The following GABRG3 variants were observed in gnomAD, a reference collection of about 807,000 sequenced individuals.
The protein encoded by GABRG3 is gamma-aminobutyric acid receptor subunit gamma-3.
In GABRG3, 25 loss-of-function variants were observed where a neutral mutation model predicts 48.8. That is an observed-to-expected ratio of 0.51 (90% confidence interval 0.37 to 0.72). GABRG3 has a LOEUF of 0.72. Ranked by LOEUF, GABRG3 falls within the 30% of genes least tolerant of loss-of-function variation. GABRG3 has a pLI of 0.00. For synonymous variants in GABRG3, 227 were observed against 217.6 expected (o/e 1.04, Z -0.38); for missense variants, 394 against 577.9 (o/e 0.68, Z 3.26).
At chr15:27,372,812 CTGGTGCCTCT>C (rs1276933861) in intron 5 of GABRG3, among the ~76,000 whole-genome samples, 1 of 152,210 alleles carries the variant, frequency 6.6e-6, no homozygotes, top group Non-Finnish European at 1.5e-5. Flanking sequence ...CACTTCCCTC[CTGGTGCCTCT>C]GTCTCTCTCC....
chr15:27,028,495 G>C (rs1896023067), intron 3 of GABRG3, among the ~76,000 whole-genome samples: 1 of 152,076 alleles, frequency 6.6e-6, no homozygotes, highest in Admixed American at 6.6e-5. Context: ...ATCTGAGCAG[G>C]TCATATTTCA....
intron 5 of GABRG3, among the ~76,000 whole-genome samples, chr15:27,379,956 A>C (rs749480402): frequency 6.7e-6 from 1 of 149,898 alleles, no homozygotes; most frequent in Non-Finnish European, 1.5e-5. Context: ...CAGTTATTAT[A>C]GTTTTAAATA....
chr15:27,504,267 G>A (rs548605310), intron 6 of GABRG3, among the ~76,000 whole-genome samples: 36 of 150,786 alleles, frequency 2.4e-4, no homozygotes, highest in Non-Finnish European at 3.3e-4. Context: ...TCTACTTCTC[G>A]TCTATTTTTT....
At chr15:26,989,045 A>T (rs189300233) in intron 2 of GABRG3, among the ~76,000 whole-genome samples, 6 of 152,254 alleles carry the variant, frequency 3.9e-5, no homozygotes, top group African/African-American at 1.2e-4. Context: ...GGAGAAAGCT[A>T]CTCACTCAGG....
intron 3 of GABRG3, among the ~76,000 whole-genome samples, chr15:27,316,244 C>T (rs953831396): frequency 5.3e-5 from 8 of 151,858 alleles, no homozygotes; most frequent in Non-Finnish European, 1.0e-4. Flanking sequence ...AAAAATTAGC[C>T]GGGCCTAGTG....
chr15:27,145,664 T>TCTATCTATCG (rs61419936), intron 3 of GABRG3, among the ~76,000 whole-genome samples: 1 of 134,360 alleles, frequency 7.4e-6, no homozygotes, highest in African/African-American at 3.2e-5. Flanking sequence ...TATCTATCTA[T>TCTATCTATCG]TGTGCCAGAA....
intron 3 of GABRG3, among the ~76,000 whole-genome samples, chr15:27,308,970 A>G (rs941704268): frequency 2.7e-5 from 4 of 150,696 alleles, no homozygotes; most frequent in African/African-American, 9.7e-5. Context: ...AAAACACATA[A>G]TGTAAACATG....
chr15:27,258,649 A>G (rs1284154020), intron 3 of GABRG3, among the ~76,000 whole-genome samples: 1 of 152,218 alleles, frequency 6.6e-6, no homozygotes, highest in Non-Finnish European at 1.5e-5. Context: ...TTTACAGGAT[A>G]CAGAGTGATA....
Position 27,319,462 on chromosome 15 carries a change from A to G in GABRG3, c.271-7347A>G, listed in dbSNP as rs1893345026. Among the ~76,000 whole-genome samples, 1 of 152,232 alleles carries G rather than the reference A, an allele frequency of 6.6e-6. No homozygotes were observed. ...CTGCTGACCAGCACTGTGGTGGGGC[A>G]GTCTCTATGCGGAATTTGCGGATAA... On this transcript the variant is annotated intron_variant, in intron 3 of 9. Coordinates refer to ENST00000615808, the MANE Select transcript of GABRG3 (RefSeq NM_033223.5). The surrounding 1 kb of genome is among the most constrained non-coding windows in gnomAD (Gnocchi z 4.4).
At chr15:27,256,410 C>T (rs1890619740) in intron 3 of GABRG3, among the ~76,000 whole-genome samples, 1 of 145,444 alleles carries the variant, frequency 6.9e-6, no homozygotes, top group Non-Finnish European at 1.5e-5. Context: ...CACTGCACTC[C>T]AGCCTGGGCG....
At chr15:27,480,060 G>A (rs750444184) in intron 5 of GABRG3, among the ~76,000 whole-genome samples, 2 of 152,162 alleles carry the variant, frequency 1.3e-5, no homozygotes, top group African/African-American at 2.4e-5. Flanking sequence ...CACCAACCTG[G>A]GTCCCAGGCA....
intron 6 of GABRG3, among the ~76,000 whole-genome samples, chr15:27,496,705 G>A (rs1451750205): frequency 1.3e-5 from 2 of 152,160 alleles, no homozygotes; most frequent in African/African-American, 4.8e-5. Flanking sequence ...CAAAAAAGAG[G>A]TAATTGTATG....
intron 5 of GABRG3, among the ~76,000 whole-genome samples, chr15:27,468,255 A>T (rs1889677768): frequency 6.6e-6 from 1 of 152,218 alleles, no homozygotes; most frequent in Non-Finnish European, 1.5e-5. Flanking sequence ...TGGCATACTC[A>T]AGAGAGAGTC....
At chr15:27,493,009 A>T (rs1890391927) in intron 6 of GABRG3, among the ~76,000 whole-genome samples, 1 of 152,256 alleles carries the variant, frequency 6.6e-6, no homozygotes, top group Non-Finnish European at 1.5e-5. Flanking sequence ...AAGATAAAAA[A>T]TACCCTTGAG....
intron 3 of GABRG3, among the ~76,000 whole-genome samples, chr15:27,192,167 T>C (rs2140423322): frequency 6.6e-6 from 1 of 152,310 alleles, no homozygotes; most frequent in Admixed American, 6.5e-5. Flanking sequence ...ATTTTTTCCT[T>C]CATTTCAACT....
chr15:27,151,859 C>T (rs1898322101), intron 3 of GABRG3, among the ~76,000 whole-genome samples: 1 of 152,150 alleles, frequency 6.6e-6, no homozygotes, highest in Non-Finnish European at 1.5e-5. Flanking sequence ...CCCCTTTTGG[C>T]CTTCTGTTGA....
chr15:27,155,694 G>T (rs930100010), intron 3 of GABRG3, among the ~76,000 whole-genome samples: 7 of 152,098 alleles, frequency 4.6e-5, no homozygotes, highest in African/African-American at 1.7e-4. Context: ...AATCATTGCT[G>T]GATAGGGAGG....
chr15:27,430,191 A>G (rs747181058), intron 5 of GABRG3, among the ~76,000 whole-genome samples: 60 of 152,198 alleles, frequency 3.9e-4, no homozygotes, highest in Non-Finnish European at 7.2e-4. Context: ...TTGGCCATTC[A>G]TATATATCCT....
At chr15:27,328,649 A>G (rs1893699098) in intron 4 of GABRG3, among the ~76,000 whole-genome samples, 157 bp from the exon 5 acceptor site, 1 of 152,262 alleles carries the variant, frequency 6.6e-6, no homozygotes, top group South Asian at 2.1e-4. Context: ...AACACAGCAC[A>G]GTCTCACCGT....
Sources: gnomAD v4.1 joint callset for allele counts (sites outside exome capture counted in the v4.1 genomes callset) on GRCh38, gnomAD v4.1.1 for gene constraint, Gnocchi (gnomAD v3.1) non-coding constraint, MANE v1.5 for transcripts, NCBI Gene and HGNC (gene_info 2026-07-23, HGNC 2026-07-21) for gene names.